The following ARHGEF12 variants were observed in gnomAD, a reference collection of about 807,000 sequenced individuals.
ARHGEF12 encodes the protein KMT2A/ARHGEF12 fusion protein.
Under a neutral mutation model 211.2 loss-of-function variants are expected in ARHGEF12, and 66 were observed. The ratio of observed to expected loss-of-function variants is 0.31; its 90% CI spans 0.26 to 0.38. ARHGEF12 has a LOEUF of 0.38. Among genes scored for constraint, ARHGEF12 ranks in the 10% least tolerant of loss-of-function variants. The pLI, the probability that ARHGEF12 is intolerant of heterozygous loss-of-function variation, is 1.00. For synonymous variants in ARHGEF12, 592 were observed against 638.4 expected (o/e 0.93, Z 1.09); for missense variants, 1,429 against 1,869.5 (o/e 0.76, Z 4.34).
intron 1 of ARHGEF12, among the ~76,000 whole-genome samples, chr11:120,362,041 T>C (rs74885582): frequency 0.024 from 3,732 of 152,342 alleles, 75 homozygotes; most frequent in Non-Finnish European, 0.034. Context: ...ACAAAAGGCA[T>C]GTGAATGATA....
chr11:120,424,199 A>G (rs1165567570), intron 6 of ARHGEF12, among the ~76,000 whole-genome samples, 159 bp from the exon 7 acceptor site: 1 of 152,212 alleles, frequency 6.6e-6, no homozygotes, highest in African/African-American at 2.4e-5. Context: ...CTGTAGAATC[A>G]TGGTGTGAAA....
At chr11:120,337,748 C>A (rs1229089297) in intron 1 of ARHGEF12, 1 of 985,314 alleles carries the variant, frequency 1.0e-6, no homozygotes, top group African/African-American at 1.7e-5. Context: ...GGAACTTGAT[C>A]TCTTTCAGAT....
intron 1 of ARHGEF12, among the ~76,000 whole-genome samples, chr11:120,363,747 C>T (rs1025191664): frequency 6.6e-6 from 1 of 152,178 alleles, no homozygotes; most frequent in East Asian, 1.9e-4. Context: ...TTATTATGGA[C>T]TTCATGTTGA....
At chr11:120,457,907 A>C in intron 24 of ARHGEF12, 151 bp downstream of exon 24, 1 of 1,135,922 alleles carries the variant, frequency 8.8e-7, no homozygotes, top group South Asian at 1.6e-5. Flanking sequence ...CTGGTCATTC[A>C]AAAGCTGTAT....
chr11:120,477,323 T>C lies in ARHGEF12; in HGVS notation c.3452+18T>C. The C allele has an allele frequency of 3.1e-6, 5 of 1,612,576 alleles. No homozygotes were observed. Among genetic ancestry groups the C allele is most frequent in the Non-Finnish European group, 4.2e-6 (5 of 1,178,918 alleles). On this transcript the variant is annotated intron_variant, in intron 35 of 40. Coordinates refer to ENST00000397843, the MANE Select transcript of ARHGEF12 (RefSeq NM_015313.3). ...CCTGGCGAGTGAGTGTTCCTTTGCA[T>C]TGTAGTAGGACTTATTTTATGTTTT...
chr11:120,445,284 A>T, intron 15 of ARHGEF12, 138 bp from the exon 16 acceptor site: 1 of 785,610 alleles, frequency 1.3e-6, no homozygotes, highest in Non-Finnish European at 2.2e-6. Context: ...GTGAAATGTG[A>T]ATGAATAAAT....
At chr11:120,352,472 G>A (rs1943012888) in intron 1 of ARHGEF12, among the ~76,000 whole-genome samples, 1 of 152,130 alleles carries the variant, frequency 6.6e-6, no homozygotes, top group Admixed American at 6.5e-5. Flanking sequence ...TGTTTAAGTG[G>A]CAGTGGAGAT....
chr11:120,365,454 G>C (rs921099508), intron 1 of ARHGEF12, among the ~76,000 whole-genome samples: 9 of 152,104 alleles, frequency 5.9e-5, no homozygotes, highest in Non-Finnish European at 8.8e-5. Context: ...GGAAAAAGAG[G>C]GATCCAGGAT....
rs185707430 is a variant in ARHGEF12 at position 120,484,795 on chromosome 11, C to T, written c.4625-272C>T. On this transcript the variant is annotated intron_variant, in intron 40 of 40. Transcript: ENST00000397843. ...TGGGAAGCCTGGTAAATCACAGATT[C>T]GGTGTGAGGCTTACTGGTACTGCTG... Among the ~76,000 whole-genome samples the T allele has an allele frequency of 2.6e-5, 4 of 152,204 alleles. No homozygotes were observed. The East Asian group carries it at 7.7e-4, about 29-fold the overall frequency.
At chr11:120,358,214 A>T (rs930928382) in intron 1 of ARHGEF12, among the ~76,000 whole-genome samples, 1 of 152,182 alleles carries the variant, frequency 6.6e-6, no homozygotes, top group African/African-American at 2.4e-5. Flanking sequence ...TCAGTAATCC[A>T]TATGAAAAAT....
chr11:120,425,584 A>G (rs1037826216), intron 7 of ARHGEF12, among the ~76,000 whole-genome samples: 1 of 152,054 alleles, frequency 6.6e-6, no homozygotes, highest in Non-Finnish European at 1.5e-5. Flanking sequence ...GGCACGAGCC[A>G]CTATACCTGG....
At position 120,489,697 on chromosome 11, in the gene ARHGEF12, G is replaced by A; in HGVS notation, c.*4620G>A. On this transcript the variant is annotated 3_prime_UTR_variant, in exon 41 of 41. Coordinates refer to ENST00000397843, the MANE Select transcript of ARHGEF12 (RefSeq NM_015313.3). ...GCTAATAAGCGTAATAAAATGCTTA[G>A]TAGTTTATACCATCTTTTAGTTAAA... is the stretch of plus-strand genomic sequence containing the variant. The A allele has an allele frequency of 4.8e-6, 1 of 206,274 alleles. No individual in the cohort carries two copies. Among genetic ancestry groups the A allele is most frequent in the Non-Finnish European group, 9.9e-6 (1 of 100,880 alleles). The allele number at this position is 206,274 out of a possible 1,614,324, so 12.8% of individuals were successfully genotyped here. A position where few individuals can be genotyped will look rare whatever the true frequency, so the allele number is the denominator to read the frequency against.
intron 1 of ARHGEF12, among the ~76,000 whole-genome samples, chr11:120,396,621 A>C (rs1944398308): frequency 6.6e-6 from 1 of 152,226 alleles, no homozygotes; most frequent in South Asian, 2.1e-4. Flanking sequence ...ACGGTGCTGG[A>C]ACAATTGGAT....
intron 1 of ARHGEF12, among the ~76,000 whole-genome samples, chr11:120,392,667 A>G (rs527564451): frequency 1.3e-5 from 2 of 152,324 alleles, no homozygotes; most frequent in Admixed American, 6.5e-5. Flanking sequence ...GATGCTTTCC[A>G]TCTTTACACT....
At chr11:120,469,449 C>A (rs1591633246) in intron 30 of ARHGEF12, 61 bp downstream of exon 30, 4 of 1,328,028 alleles carry the variant, frequency 3.0e-6, no homozygotes, top group East Asian at 4.7e-5. Context: ...TTAATATTAC[C>A]TGGAATCTGT....
chr11:120,345,714 A>AC (rs1942693014), intron 1 of ARHGEF12, among the ~76,000 whole-genome samples: 1 of 151,400 alleles, frequency 6.6e-6, no homozygotes, highest in South Asian at 2.1e-4. Flanking sequence ...AAAAAAAAAA[A>AC]AAAAAAACGA....
At chr11:120,420,534 A>T (rs746231497) in intron 4 of ARHGEF12, among the ~76,000 whole-genome samples, 14 of 152,180 alleles carry the variant, frequency 9.2e-5, no homozygotes, top group Non-Finnish European at 1.8e-4. Flanking sequence ...GAGCAATTCT[A>T]TTATACTCCG....
chr11:120,417,172 G>A (rs374216017), intron 4 of ARHGEF12, among the ~76,000 whole-genome samples: 55 of 152,024 alleles, frequency 3.6e-4, no homozygotes, highest in Non-Finnish European at 5.0e-4. Context: ...CCAAATACCC[G>A]TTTCCCTCAT....
chr11:120,361,157 G>A (rs552533709), intron 1 of ARHGEF12, among the ~76,000 whole-genome samples: 1 of 152,214 alleles, frequency 6.6e-6, no homozygotes, highest in South Asian at 2.1e-4. Context: ...GCCATCTAAA[G>A]TAGTTTATAG....
Sources: gnomAD v4.1 joint callset for allele counts (sites outside exome capture counted in the v4.1 genomes callset) on GRCh38, gnomAD v4.1.1 for gene constraint, MANE v1.5 for transcripts, NCBI Gene and HGNC (gene_info 2026-07-23, HGNC 2026-07-21) for gene names.